Variants in CTNNA3 observed in about 807,000 individuals in gnomAD.
CTNNA3 encodes the protein catenin alpha 3, also known as catenin alpha-3.
Under a neutral mutation model 95.7 loss-of-function variants are expected in CTNNA3, and 76 were observed. The observed-to-expected ratio is 0.79, with a 90% CI of 0.66 to 0.96. The LOEUF (loss-of-function observed/expected upper bound fraction) is 0.96. Among genes scored for constraint, CTNNA3 ranks in the 40% least tolerant of loss-of-function variants. The pLI is 0.00. For missense variants in CTNNA3, 1,191 were observed against 1,089.8 expected (o/e 1.09, Z -1.31); for synonymous variants, 431 against 374.4 (o/e 1.15, Z -1.74).
chr10:66,650,928 G>A (rs1401145365), intron 9 of CTNNA3, among the ~76,000 whole-genome samples: 1 of 152,116 alleles, frequency 6.6e-6, no homozygotes, highest in African/African-American at 2.4e-5. Flanking sequence ...ACCCCAACAC[G>A]TTGCCACCGC....
chr10:67,218,936 G>C (rs1864517148), intron 6 of CTNNA3, among the ~76,000 whole-genome samples: 1 of 152,080 alleles, frequency 6.6e-6, no homozygotes, highest in East Asian at 1.9e-4. Context: ...ATTTAACTTG[G>C]AGTAAAAGCC....
intron 7 of CTNNA3, among the ~76,000 whole-genome samples, chr10:67,122,029 A>T (rs1859491669): frequency 6.9e-6 from 1 of 144,236 alleles, no homozygotes; most frequent in Non-Finnish European, 1.5e-5. Context: ...AGATTTGGCC[A>T]ACTTGTTGGC....
At chr10:66,023,654 A>G (rs1346456492) in intron 15 of CTNNA3, among the ~76,000 whole-genome samples, 2 of 152,232 alleles carry the variant, frequency 1.3e-5, no homozygotes, top group African/African-American at 4.8e-5. Context: ...TTGCTTGAAT[A>G]AAGGGATTTG....
intron 7 of CTNNA3, among the ~76,000 whole-genome samples, chr10:67,051,502 G>A (rs962726614): frequency 8.3e-5 from 12 of 144,802 alleles, no homozygotes; most frequent in South Asian, 2.2e-4. Flanking sequence ...CCCTGTCACC[G>A]AGGCTGGAGT....
intron 7 of CTNNA3, among the ~76,000 whole-genome samples, chr10:67,169,321 T>C (rs961326204): frequency 2.6e-5 from 4 of 151,950 alleles, no homozygotes; most frequent in Non-Finnish European, 5.9e-5. Context: ...TGAGCCTGAA[T>C]AGCCAAGGCA....
chr10:66,616,589 T>C (rs1286610194), intron 10 of CTNNA3, among the ~76,000 whole-genome samples: 1 of 152,072 alleles, frequency 6.6e-6, no homozygotes, highest in Admixed American at 6.6e-5. Flanking sequence ...AAGTGACAAA[T>C]CTTTTTTGAA....
intron 13 of CTNNA3, among the ~76,000 whole-genome samples, chr10:66,128,624 A>G (rs1036018122): frequency 2.6e-5 from 4 of 152,232 alleles, no homozygotes; most frequent in Non-Finnish European, 5.9e-5. Flanking sequence ...ATAAAGATCA[A>G]CAGTTGCCAG....
At chr10:66,339,563 G>T (rs1000515304) in intron 12 of CTNNA3, among the ~76,000 whole-genome samples, 1 of 151,696 alleles carries the variant, frequency 6.6e-6, no homozygotes, top group Non-Finnish European at 1.5e-5. Context: ...GATTTTAAAA[G>T]CTCAGCCAGG....
At chr10:67,272,546 C>G (rs1429225048) in intron 5 of CTNNA3, among the ~76,000 whole-genome samples, 1 of 152,034 alleles carries the variant, frequency 6.6e-6, no homozygotes, top group Non-Finnish European at 1.5e-5. Flanking sequence ...GGGTAAGACC[C>G]TGTCTCAAAA....
At chr10:67,123,910 CAAG>C (rs1420011193) in intron 7 of CTNNA3, among the ~76,000 whole-genome samples, 5 of 152,218 alleles carry the variant, frequency 3.3e-5, no homozygotes, top group Admixed American at 3.3e-4. Context: ...GCCCTGAGGA[CAAG>C]GAGAGAAAAA....
chr10:67,181,754 A>C (rs1589831484), intron 6 of CTNNA3, among the ~76,000 whole-genome samples: 2 of 152,268 alleles, frequency 1.3e-5, no homozygotes, highest in East Asian at 3.9e-4. Flanking sequence ...GAAAGTAGCC[A>C]GGATACAATT....
chr10:67,724,229 T>TG (rs1841196418), intron 1 of CTNNA3, among the ~76,000 whole-genome samples: 1 of 152,156 alleles, frequency 6.6e-6, no homozygotes, highest in African/African-American at 2.4e-5. Context: ...CTAAGACTGT[T>TG]TATACCAGGA....
At chr10:67,733,507 A>G (rs1279255134) in intron 1 of CTNNA3, among the ~76,000 whole-genome samples, 2 of 152,214 alleles carry the variant, frequency 1.3e-5, no homozygotes, top group East Asian at 3.8e-4. Context: ...AACAGCCACA[A>G]AAAGGACTGC....
intron 10 of CTNNA3, among the ~76,000 whole-genome samples, chr10:66,597,283 T>C (rs1843742119): frequency 6.6e-6 from 1 of 151,428 alleles, no homozygotes; most frequent in Non-Finnish European, 1.5e-5. Context: ...CTTTCCAATC[T>C]GGGGAGTAAA....
At chr10:67,716,070 C>T (rs534392782) in intron 1 of CTNNA3, among the ~76,000 whole-genome samples, 1 of 152,232 alleles carries the variant, frequency 6.6e-6, no homozygotes, top group South Asian at 2.1e-4. Flanking sequence ...GGGAATGCTA[C>T]TCTTTTTACT....
In CTNNA3 at chr10:66,562,448, G is replaced by T. The variant is rs193262765; in HGVS notation, c.1375-41675C>A. On this transcript the variant is annotated intron_variant, in intron 10 of 17. Coordinates refer to ENST00000433211, the MANE Select transcript of CTNNA3 (RefSeq NM_013266.4). Reference sequence around the variant, plus strand: ...TCCAGCTTTACTTTTCCAGCAGCACGTTTATCTCCTTTAAGTAATGCTAAG... The same window carrying T: ...TCCAGCTTTACTTTTCCAGCAGCACTTTTATCTCCTTTAAGTAATGCTAAG... Among the ~76,000 whole-genome samples the T allele has an allele frequency of 5.2e-4, 79 of 152,158 alleles. 1 individual carries two copies. Among genetic ancestry groups the T allele is most frequent in the African/African-American group, 1.9e-3 (79 of 41,534 alleles).
intron 11 of CTNNA3, among the ~76,000 whole-genome samples, chr10:66,437,009 A>G (rs1482195339): frequency 5.9e-5 from 9 of 152,086 alleles, no homozygotes; most frequent in Admixed American, 5.9e-4. Flanking sequence ...AATGTTGAAT[A>G]TCAGCCCCCA....
intron 5 of CTNNA3, among the ~76,000 whole-genome samples, chr10:67,286,077 A>C (rs544657012): frequency 6.6e-6 from 1 of 152,270 alleles, no homozygotes; most frequent in African/African-American, 2.4e-5. Context: ...TTCCACATCA[A>C]ATGTGTATGC....
chr10:66,780,823 C>T (rs12221396), intron 7 of CTNNA3, among the ~76,000 whole-genome samples: 1,585 of 152,244 alleles, frequency 0.01, 26 homozygotes, highest in African/African-American at 0.033. Context: ...GATCCCATTA[C>T]GTTTCTGGGC....
Sources: gnomAD v4.1 joint callset for allele counts (sites outside exome capture counted in the v4.1 genomes callset) on GRCh38, gnomAD v4.1.1 for gene constraint, MANE v1.5 for transcripts, NCBI Gene and HGNC (gene_info 2026-07-23, HGNC 2026-07-21) for gene names.